Variants in HIPK2 observed in about 807,000 individuals in gnomAD.
HIPK2 encodes homeodomain interacting protein kinase 2, also known as homeodomain-interacting protein kinase 2.
HIPK2 carries 27 observed loss-of-function variants against 113.7 expected under a neutral mutation model. The ratio of observed to expected loss-of-function variants is 0.24; its 90% CI spans 0.17 to 0.33. The LOEUF is 0.33. Among genes scored for constraint, HIPK2 ranks in the 10% least tolerant of loss-of-function variants. HIPK2 has a pLI of 1.00. For missense variants in HIPK2, 1,257 were observed against 1,588.0 expected, an observed-to-expected ratio of 0.79 and a Z score of 3.54; for synonymous variants, 631 against 642.2, an observed-to-expected ratio of 0.98 and a Z score of 0.26.
chr7:139,737,656 C>T (rs536834187), intron 1 of HIPK2, among the ~76,000 whole-genome samples: 1 of 152,220 alleles, frequency 6.6e-6, no homozygotes, highest in South Asian at 2.1e-4. Context: ...CTCCCCAGTG[C>T]CCCATTGGTC....
At chr7:139,586,983 T>A (rs1798852296) in intron 12 of HIPK2, among the ~76,000 whole-genome samples, 1 of 151,990 alleles carries the variant, frequency 6.6e-6, no homozygotes, top group Non-Finnish European at 1.5e-5. Context: ...TAGTTTTTGG[T>A]TGGGGTAGTG....
intron 2 of HIPK2, among the ~76,000 whole-genome samples, chr7:139,706,992 A>G (rs1307097730): frequency 1.3e-5 from 2 of 152,178 alleles, no homozygotes; most frequent in African/African-American, 4.8e-5. Flanking sequence ...GCTCTGCCCA[A>G]GCAAAGCCAC....
chr7:139,620,288 T>C lies in HIPK2; in HGVS notation c.1782+113A>G, dbSNP rs1800189930. 5 of 1,420,578 alleles carry C rather than the reference T, an allele frequency of 3.5e-6. No homozygotes were observed. In the Admixed American group the frequency reaches 9.2e-5, roughly 26 times the overall value. 88.0% of individuals were successfully genotyped at this position (1,420,578 alleles called of 1,614,324 possible). A position where few individuals can be genotyped will look rare whatever the true frequency, so the allele number is the denominator to read the frequency against. ...CTTGGATGCAAATACTTTGTTTAGT[T>C]GTTGAACATGACAGCAGGAATTTTG... On this transcript the variant is annotated intron_variant, in intron 7 of 14. Coordinates refer to ENST00000406875, the MANE Select transcript of HIPK2 (RefSeq NM_022740.5).
Position 139,613,211 on chromosome 7 carries a change from C to T in HIPK2, c.2103G>A (p.Leu701=). The T allele has an allele frequency of 6.2e-7, 1 of 1,613,716 alleles. No individual in the cohort carries two copies. The highest frequency in any genetic ancestry group is 8.5e-7 in the Non-Finnish European group (1 of 1,179,784). Residue 701 remains leucine (L), a synonymous_variant, in exon 9 of 15, where the codon CTG becomes CTA. Transcript: ENST00000406875. The surrounding 1 kb of genome is among the most constrained non-coding windows in gnomAD (Gnocchi z 4.2). The part of the protein sequence containing the change: ...GAQPLQIQPG[L]LAQQAWPSGT... ...AAGGAGAAAGAATTACCTGGGCAAG[C>T]AGACCTGGTTGGATCTGAAGAGGCT...
intron 2 of HIPK2, among the ~76,000 whole-genome samples, chr7:139,712,794 A>G (rs1165023658): frequency 6.6e-6 from 1 of 152,228 alleles, no homozygotes; most frequent in Non-Finnish European, 1.5e-5. Context: ...CTGGGACGAA[A>G]AGAGACAGAG....
intron 2 of HIPK2, among the ~76,000 whole-genome samples, chr7:139,636,508 A>G (rs1020495925): frequency 6.6e-6 from 1 of 152,080 alleles, no homozygotes; most frequent in Non-Finnish European, 1.5e-5. Context: ...CCCTAATCCA[A>G]TGTGACTTGC....
chr7:139,695,315 G>A (rs991503182), intron 2 of HIPK2, among the ~76,000 whole-genome samples: 6 of 152,156 alleles, frequency 3.9e-5, no homozygotes, highest in South Asian at 2.1e-4. Flanking sequence ...GGCTCAGAAC[G>A]GAGGGTTAGG....
In HIPK2 at chr7:139,573,248, G is replaced by A. The variant is rs964629059; in HGVS notation, c.3276C>T (p.Ala1092=). The part of the protein sequence containing the change: ...TVHPHLAAAA[A]AAHLPTQPHL... ...GGGGCTGGGTGGGGAGGTGGGCAGC[G>A]GCAGCGGCTGCAGCCAGATGCGGGT... Residue 1092 remains alanine, a synonymous_variant, in exon 15 of 15, where the codon GCC becomes GCT. Coordinates refer to ENST00000406875, the MANE Select transcript of HIPK2 (RefSeq NM_022740.5). 1.2e-6 allele frequency: 2 copies of A among 1,604,160 alleles called. No individual in the cohort carries two copies. Among genetic ancestry groups the A allele is most frequent in the Non-Finnish European group, 1.7e-6 (2 of 1,179,602 alleles).
chr7:139,593,318 G>A (rs1350668615), intron 12 of HIPK2, among the ~76,000 whole-genome samples: 1 of 152,178 alleles, frequency 6.6e-6, no homozygotes, highest in African/African-American at 2.4e-5. Context: ...AATGATGGAG[G>A]AGCTAGTGCG....
chr7:139,702,015 G>A (rs940916471), intron 2 of HIPK2, among the ~76,000 whole-genome samples: 3,283 of 152,240 alleles, frequency 0.022, 131 homozygotes, highest in African/African-American at 0.075. Context: ...GGATCTGGAC[G>A]TGGGAGCCAA....
intron 2 of HIPK2, among the ~76,000 whole-genome samples, chr7:139,659,485 C>G (rs891567677): frequency 6.6e-6 from 1 of 152,244 alleles, no homozygotes; most frequent in Admixed American, 6.5e-5. Flanking sequence ...AGACCCCCGG[C>G]TGCAGCTGCA....
At chr7:139,727,205 G>A (rs1460401103) in intron 1 of HIPK2, among the ~76,000 whole-genome samples, 1 of 152,152 alleles carries the variant, frequency 6.6e-6, no homozygotes, top group African/African-American at 2.4e-5. Context: ...ATAGTATGAG[G>A]AGGACAATAT....
chr7:139,603,409 C>T (rs1012530875), intron 10 of HIPK2, among the ~76,000 whole-genome samples: 3 of 152,068 alleles, frequency 2.0e-5, no homozygotes, highest in Non-Finnish European at 4.4e-5. Flanking sequence ...CAGAGGAGCG[C>T]ATCTGTGAGG....
At position 139,601,192 on chromosome 7, in the gene HIPK2, G is replaced by A. The variant is rs1039633694; in HGVS notation, c.2256-596C>T. On this transcript the variant is annotated intron_variant, in intron 10 of 14. Transcript: ENST00000406875. ...CTGGGAGGCAGAGGTTGCATGAGCC[G>A]AGATTGTGCCACTGCACTCCAGCCT... 4.0e-5 allele frequency among the ~76,000 whole-genome samples: 6 copies of A among 151,296 alleles called. 1 individual carries two copies. In the South Asian group the frequency reaches 6.3e-4, roughly 16 times the overall value.
At chr7:139,707,266 A>G (rs1378832700) in intron 2 of HIPK2, among the ~76,000 whole-genome samples, 1 of 152,274 alleles carries the variant, frequency 6.6e-6, no homozygotes, top group African/African-American at 2.4e-5. Flanking sequence ...CTTCTGTAAC[A>G]GCACCATCTC....
intron 2 of HIPK2, among the ~76,000 whole-genome samples, chr7:139,634,702 G>C (rs1196929507): frequency 1.1e-5 from 1 of 87,258 alleles, no homozygotes; most frequent in Admixed American, 1.1e-4. Context: ...TTTTGAGACA[G>C]AGTCTTGCTC....
chr7:139,655,473 A>G (rs1434453183), intron 2 of HIPK2, among the ~76,000 whole-genome samples: 1 of 152,186 alleles, frequency 6.6e-6, no homozygotes, highest in Admixed American at 6.5e-5. Context: ...GGGAACCTGC[A>G]CAGCAACTCT....
At chr7:139,586,893 T>C (rs1266622305) in intron 12 of HIPK2, among the ~76,000 whole-genome samples, 2 of 152,066 alleles carry the variant, frequency 1.3e-5, no homozygotes, top group Non-Finnish European at 2.9e-5. Flanking sequence ...GGCAAATTCA[T>C]ACAGACAGAA....
At chr7:139,742,936 G>C (rs1796128979) in intron 1 of HIPK2, among the ~76,000 whole-genome samples, 1 of 152,214 alleles carries the variant, frequency 6.6e-6, no homozygotes, top group Non-Finnish European at 1.5e-5. Flanking sequence ...AATAACGTCT[G>C]TCCAGGACCC....
Sources: gnomAD v4.1 joint callset for allele counts (sites outside exome capture counted in the v4.1 genomes callset) on GRCh38, gnomAD v4.1.1 for gene constraint, Gnocchi (gnomAD v3.1) non-coding constraint, MANE v1.5 for transcripts, NCBI Gene and HGNC (gene_info 2026-07-23, HGNC 2026-07-21) for gene names.